Variants in HAGH observed in about 807,000 individuals in gnomAD.
HAGH encodes hydroxyacylglutathione hydrolase, also known as hydroxyacylglutathione hydrolase, mitochondrial.
A neutral mutation model predicts 35.1 loss-of-function variants in HAGH; 29 were observed. The observed-to-expected ratio is 0.83, with a 90% CI of 0.62 to 1.13. The LOEUF (loss-of-function observed/expected upper bound fraction) is 1.13. Ranked by LOEUF, HAGH falls within the 50% of genes most tolerant of loss-of-function variation. The pLI is 0.00. For synonymous variants in HAGH, 225 were observed against 176.1 expected (o/e 1.28, Z -2.20); for missense variants, 478 against 419.6 (o/e 1.14, Z -1.22).
rs1485474872 is a variant in HAGH, at chr16:1,822,981, C to T, written c.133G>A (p.Asp45Asn). Reference protein sequence around the residue: ...HTDLRKNLTVDEGTMKVEVLP... With the variant: ...HTDLRKNLTVNEGTMKVEVLP... The stretch of plus-strand genomic sequence containing the variant: ...ACCTCTACCTTCATGGTGCCCTCGT[C>T]CACGGTCAGGTTCTTCCGCAAATCT... The change falls in exon 2 of 9, where the codon GAC becomes AAC. Residue 45 changes from aspartate to asparagine, a missense_variant. Coordinates refer to ENST00000397356, the MANE Select transcript of HAGH (RefSeq NM_005326.6). 1 of 1,613,816 alleles carries T rather than the reference C, an allele frequency of 6.2e-7. No homozygotes were observed. The highest frequency in any genetic ancestry group is 8.5e-7 in the Non-Finnish European group (1 of 1,179,960).
rs139377644 is a variant in HAGH, at chr16:1,822,940, G to C, written c.174C>G (p.Thr58=). 8.7e-6 allele frequency: 14 copies of C among 1,613,574 alleles called. No individual in the cohort carries two copies. The highest frequency in any genetic ancestry group is 8.0e-5 in the African/African-American group (6 of 74,912). Residue 58 remains threonine, a synonymous_variant, in exon 2 of 9, where the codon ACC becomes ACG. Coordinates refer to ENST00000397356, the MANE Select transcript of HAGH (RefSeq NM_005326.6). ...TMKVEVLPAL[T]DNYMYLVIDD... ...CAATGACCAGGTACATGTAGTTGTC[G>C]GTCAGGGCAGGCAGCACCTCTACCT...
At chr16:1,820,333 A>G (rs557715181) in intron 3 of HAGH, among the ~76,000 whole-genome samples, 2 of 150,704 alleles carry the variant, frequency 1.3e-5, no homozygotes, top group Admixed American at 6.6e-5. Context: ...GTCCTGGTGC[A>G]GTGGGTCTGG....
At chr16:1,827,016 CGCCGGGAGAGCTGT>C (rs1374521717), upstream of HAGH, 1 of 704,428 alleles carries the variant, frequency 1.4e-6, no homozygotes, top group Non-Finnish European at 2.2e-6. Context: ...CCGAGAGCTG[CGCCGGGAGAGCTGT>C]GCCGCGAGCC....
chr16:1,826,958 C>T (rs965030710), upstream of HAGH: 34 of 617,558 alleles, frequency 5.5e-5, no homozygotes, highest in Non-Finnish European at 7.7e-5. Flanking sequence ...GTCCGCGAGC[C>T]CCGACTGCCA....
At chr16:1,819,289 G>A in intron 4 of HAGH, 66 bp from the exon 5 acceptor site, 1 of 1,055,742 alleles carries the variant, frequency 9.5e-7, no homozygotes. Context: ...CGGGGTCACG[G>A]CGCGCCGCCT....
At chr16:1,817,084 C>T (rs1897933220) in intron 6 of HAGH, 84 bp downstream of exon 6, 1 of 1,331,956 alleles carries the variant, frequency 7.5e-7, no homozygotes, top group East Asian at 2.3e-5. Flanking sequence ...CGGGGGGTGT[C>T]CGGTGAGAGG....
chr16:1,814,280 G>C (rs1897789140), intron 7 of HAGH, among the ~76,000 whole-genome samples: 1 of 152,030 alleles, frequency 6.6e-6, no homozygotes, highest in Non-Finnish European at 1.5e-5. Flanking sequence ...TTCGAGTCCA[G>C]CCTGATCAAC....
rs774805600 is a variant in HAGH at position 1,809,407 on chromosome 16, A to G, written c.828-25T>C. The G allele has an allele frequency of 3.8e-6, 6 of 1,586,914 alleles. No individual in the cohort carries two copies. In the East Asian group the frequency reaches 6.7e-5, roughly 18 times the overall value. ...CCTGCGGAGGCCAGCACCGGGCTGCAGGCTGTGCCGAGCCACGCCCACCGG... is the reference window on the plus strand; with the variant it reads ...CCTGCGGAGGCCAGCACCGGGCTGCGGGCTGTGCCGAGCCACGCCCACCGG... On this transcript the variant is annotated intron_variant, in intron 8 of 8. Coordinates refer to ENST00000397356, the MANE Select transcript of HAGH (RefSeq NM_005326.6).
chr16:1,825,769 C>A (rs531173128), intron 1 of HAGH, among the ~76,000 whole-genome samples: 6 of 152,252 alleles, frequency 3.9e-5, no homozygotes, highest in African/African-American at 9.6e-5. Flanking sequence ...GCGATGAGGT[C>A]TCAACATGTT....
chr16:1,822,823 T>C (rs1468237596), intron 2 of HAGH, 42 bp downstream of exon 2: 4 of 1,579,156 alleles, frequency 2.5e-6, no homozygotes, highest in Non-Finnish European at 2.6e-6. Flanking sequence ...GACTCCGAGC[T>C]GGGTGACCAG....
chr16:1,826,499 C>A (rs1898429138), intron 1 of HAGH: 2 of 963,416 alleles, frequency 2.1e-6, no homozygotes, highest in Non-Finnish European at 2.5e-6. Context: ...AGGCCTGGCC[C>A]TGCTTACCTA....
rs190843334 is a variant in HAGH, at chr16:1,819,337, C to A, written c.433-114G>T. On this transcript the variant is annotated intron_variant, in intron 4 of 8. Transcript: ENST00000397356. The stretch of plus-strand genomic sequence containing the variant: ...GCCTCCTCAGCTCTGAGGGAAATGC[C>A]CGTGAAGGTGGGGCAGGTGCTCCCC... 766 of 648,142 alleles carry A rather than the reference C, an allele frequency of 1.2e-3. 11 individuals are homozygous for A. In the East Asian group the frequency reaches 0.019, roughly 16 times the overall value. The allele number at this position is 648,142 out of a possible 1,614,324, so 40.1% of individuals were successfully genotyped here.
At chr16:1,823,927 G>A (rs1898275548) in intron 1 of HAGH, among the ~76,000 whole-genome samples, 1 of 152,082 alleles carries the variant, frequency 6.6e-6, no homozygotes, top group East Asian at 1.9e-4. Flanking sequence ...GCGAACCACT[G>A]CCAGTGCTGG....
chr16:1,808,197 T>A lies in HAGH; in HGVS notation c.*1086A>T, dbSNP rs1897482669. The A allele has an allele frequency of 6.6e-6, 1 of 152,222 alleles. No homozygotes were observed. Among genetic ancestry groups the A allele is most frequent in the Non-Finnish European group, 1.5e-5 (1 of 68,070 alleles). 9.4% of individuals were successfully genotyped at this position (152,222 alleles called of 1,614,324 possible). ...AGCAATGCTCACTGCAGCCTTGGACTCCCGGGCTCAAGCGATCCTCCTGCC... is the reference window on the plus strand; with the variant it reads ...AGCAATGCTCACTGCAGCCTTGGACACCCGGGCTCAAGCGATCCTCCTGCC... On this transcript the variant is annotated 3_prime_UTR_variant, in exon 9 of 9. Transcript: ENST00000397356.
Position 1,823,008 on chromosome 16 carries a change from T to G in HAGH, c.106A>C (p.Thr36Pro), listed in dbSNP as rs1389856148. The G allele has an allele frequency of 6.2e-7, 1 of 1,613,928 alleles. No homozygotes were observed. The highest frequency in any genetic ancestry group is 1.7e-5 in the Admixed American group (1 of 60,032). The stretch of plus-strand genomic sequence containing the variant: ...ACGGTCAGGTTCTTCCGCAAATCTG[T>G]GTGGCAGAAAACTCCCAGCAGGGCT... ...GPALLGVFCH[T>P]DLRKNLTVDE... Residue 36 changes from threonine (T) to proline (P), a missense_variant, in exon 2 of 9, where the codon ACA becomes CCA. By Grantham distance (38) the Thr-to-Pro change is conservative. Coordinates refer to ENST00000397356, the MANE Select transcript of HAGH (RefSeq NM_005326.6).
chr16:1,808,611 T>C lies in HAGH; in HGVS notation c.*672A>G, dbSNP rs950658023. On this transcript the variant is annotated 3_prime_UTR_variant, in exon 9 of 9. Coordinates refer to ENST00000397356, the MANE Select transcript of HAGH (RefSeq NM_005326.6). ...ACCACGCCCAGCCCTAAATTTCAGA[T>C]TAGCCTTAGGGGTTGCCTTTGTCCT... 9.2e-6 allele frequency: 1 copy of C among 108,810 alleles called. No homozygotes were observed. The allele number at this position is 108,810 out of a possible 1,614,324, so 6.7% of individuals were successfully genotyped here.
rs761686568 is a variant in HAGH at position 1,819,920 on chromosome 16, T to C, written c.409A>G (p.Ile137Val). The C allele has an allele frequency of 6.2e-6, 10 of 1,610,418 alleles. No homozygotes were observed. The highest frequency in any genetic ancestry group is 1.7e-4 in the Middle Eastern group (1 of 6,054). Reference sequence around the variant, plus strand: ...ACCTGCAGTGTGGACAGGTGAGTGATCTTGTGAGTCAGGGCCCCGATACGG... The same window carrying C: ...ACCTGCAGTGTGGACAGGTGAGTGACCTTGTGAGTCAGGGCCCCGATACGG... ...DDRIGALTHK[I>V]THLSTLQVGS... Residue 137 changes from isoleucine (I) to valine (V), a missense_variant, in exon 4 of 9, where the codon ATC (isoleucine) becomes GTC (valine). Coordinates refer to ENST00000397356, the MANE Select transcript of HAGH (RefSeq NM_005326.6).
At chr16:1,811,877 T>A (rs115243939) in intron 7 of HAGH, among the ~76,000 whole-genome samples, 225 of 151,724 alleles carry the variant, frequency 1.5e-3, no homozygotes, top group African/African-American at 5.2e-3. Context: ...ACCCACGCAA[T>A]AGTATATTTT....
intron 1 of HAGH, among the ~76,000 whole-genome samples, chr16:1,825,436 T>C (rs975609294): frequency 2.0e-5 from 3 of 152,194 alleles, no homozygotes; most frequent in African/African-American, 7.2e-5. Context: ...CGTATTCCCT[T>C]TCCATATCAC....
Sources: gnomAD v4.1 joint callset for allele counts (sites outside exome capture counted in the v4.1 genomes callset) on GRCh38, gnomAD v4.1.1 for gene constraint, MANE v1.5 for transcripts, NCBI Gene and HGNC (gene_info 2026-07-23, HGNC 2026-07-21) for gene names.